NARS2: variants seen among roughly 807,000 people sequenced by gnomAD.
NARS2 encodes the protein asparaginyl-tRNA synthetase 2, mitochondrial.
NARS2 carries 60 observed loss-of-function variants against 62.9 expected under a neutral mutation model. The ratio of observed to expected loss-of-function variants is 0.95; its 90% confidence interval spans 0.77 to 1.18. The LOEUF (loss-of-function observed/expected upper bound fraction) is 1.18, where lower values mean the gene tolerates loss of function less well. Among genes scored for constraint, NARS2 ranks in the 50% most tolerant of loss-of-function variants. The pLI is 0.00. For synonymous variants in NARS2, 196 were observed against 200.0 expected (o/e 0.98, Z 0.17); for missense variants, 619 against 576.4 (o/e 1.07, Z -0.76).
intron 3 of NARS2, among the ~76,000 whole-genome samples, chr11:78,566,746 T>C (rs1468543820): frequency 6.6e-6 from 1 of 152,210 alleles, no homozygotes; most frequent in African/African-American, 2.4e-5. Context: ...TTCATTACTA[T>C]TATCAACGTG....
intron 1 of NARS2, 38 bp from the exon 2 acceptor site, chr11:78,571,482 A>C: frequency 6.9e-7 from 1 of 1,453,636 alleles, no homozygotes; most frequent in South Asian, 1.2e-5. Flanking sequence ...AGCGTAAAAC[A>C]TTTTACGTTT....
intron 7 of NARS2, among the ~76,000 whole-genome samples, chr11:78,479,233 G>A (rs1265270245): frequency 1.3e-5 from 2 of 152,016 alleles, no homozygotes; most frequent in African/African-American, 2.4e-5. Flanking sequence ...TTTTTGCTTT[G>A]CTAATGGCCA....
intron 6 of NARS2, among the ~76,000 whole-genome samples, chr11:78,510,895 C>T (rs1860697671): frequency 6.6e-6 from 1 of 152,092 alleles, no homozygotes; most frequent in African/African-American, 2.4e-5. Context: ...TGAAAGAAGA[C>T]AGCTACAAAG....
chr11:78,456,908 CA>C (rs1858182859), intron 11 of NARS2, among the ~76,000 whole-genome samples: 1 of 152,166 alleles, frequency 6.6e-6, no homozygotes, highest in Non-Finnish European at 1.5e-5. Flanking sequence ...TTCAAATGAT[CA>C]AATATGCTCA....
chr11:78,515,122 G>A (rs952983026), intron 6 of NARS2, among the ~76,000 whole-genome samples: 2 of 152,318 alleles, frequency 1.3e-5, no homozygotes, highest in Middle Eastern at 6.8e-3. Flanking sequence ...TGCTGCAGCA[G>A]AAAATTAGTG....
chr11:78,526,880 C>A (rs1861314668), intron 6 of NARS2, among the ~76,000 whole-genome samples: 1 of 152,052 alleles, frequency 6.6e-6, no homozygotes, highest in Non-Finnish European at 1.5e-5. Flanking sequence ...TTATCCAAAC[C>A]TTGAATATAA....
At chr11:78,444,570 T>G (rs1857685629) in intron 11 of NARS2, among the ~76,000 whole-genome samples, 1 of 151,686 alleles carries the variant, frequency 6.6e-6, no homozygotes, top group Non-Finnish European at 1.5e-5. Context: ...ATACAAAAAA[T>G]TAACTGGGCT....
chr11:78,480,587 A>C lies in NARS2; in HGVS notation c.823-1904T>G, dbSNP rs1269659669. Among the ~76,000 whole-genome samples, 4 of 146,036 alleles carry C rather than the reference A, an allele frequency of 2.7e-5. No individual in the cohort carries two copies. The Admixed American group carries it at 2.8e-4, about 10-fold the overall frequency. On this transcript the variant is annotated intron_variant, in intron 7 of 13. Transcript: ENST00000281038. ...TTACATTCTATTACTATGGTCATTTATTTTTCCAACCAACATGTATATCTA... is the reference window on the plus strand; with the variant it reads ...TTACATTCTATTACTATGGTCATTTCTTTTTCCAACCAACATGTATATCTA...
chr11:78,445,507 G>A (rs1857727109), intron 11 of NARS2, among the ~76,000 whole-genome samples: 1 of 152,152 alleles, frequency 6.6e-6, no homozygotes, highest in South Asian at 2.1e-4. Flanking sequence ...TGTAGTCCCA[G>A]CTGTTCTGGA....
At chr11:78,466,227 G>A (rs1858614533) in intron 10 of NARS2, among the ~76,000 whole-genome samples, 1 of 151,988 alleles carries the variant, frequency 6.6e-6, no homozygotes. Flanking sequence ...GCTGAGGCCA[G>A]TAGATAGACA....
At chr11:78,481,351 GATAA>G (rs1232350573) in intron 7 of NARS2, among the ~76,000 whole-genome samples, 4 of 152,258 alleles carry the variant, frequency 2.6e-5, no homozygotes, top group Admixed American at 2.6e-4. Flanking sequence ...TCAGCAGTGA[GATAA>G]ATAAATTACT....
rs1858598341 is a variant in NARS2, at chr11:78,465,890, C to T, written c.1150G>A (p.Gly384Ser). Reference protein sequence around the residue: ...KPFYMRDNEDGPQHTVAAVDL... With the variant: ...KPFYMRDNEDSPQHTVAAVDL... ...TCTCTTCTTACCGTGTGCTGAGGGCCATCTTCATTATCCCTCATGTAGAAA... is the reference window on the plus strand; with the variant it reads ...TCTCTTCTTACCGTGTGCTGAGGGCTATCTTCATTATCCCTCATGTAGAAA... The change falls in exon 11 of 14, where the codon GGC becomes AGC. Residue 384 changes from glycine to serine, a missense_variant. Gly to Ser is a moderately conservative substitution (Grantham distance 56, BLOSUM62 0). Coordinates refer to ENST00000281038, the MANE Select transcript of NARS2 (RefSeq NM_024678.6). The T allele has an allele frequency of 8.1e-6, 13 of 1,613,990 alleles. No homozygotes were observed. The East Asian group carries it at 2.9e-4, about 36-fold the overall frequency.
rs779653592 is a variant in NARS2, at chr11:78,559,586, T to C, written c.547A>G (p.Ile183Val). 8 of 1,613,318 alleles carry C rather than the reference T, an allele frequency of 5.0e-6. No homozygotes were observed. In the Admixed American group the frequency reaches 1.3e-4, roughly 27 times the overall value. Reference sequence around the variant, plus strand: ...GCTCCCTCAGAGTCATTGGATGTGATTATTGGAGTATGAATATGTACAAAG... The same window carrying C: ...GCTCCCTCAGAGTCATTGGATGTGACTATTGGAGTATGAATATGTACAAAG... ...SGFVHIHTPI[I>V]TSNDSEGAGE... Residue 183 changes from isoleucine (I) to valine (V), a missense_variant, in exon 5 of 14, where the codon ATC (isoleucine) becomes GTC (valine). Transcript: ENST00000281038.
At chr11:78,500,592 GC>G (rs1391111212) in intron 6 of NARS2, among the ~76,000 whole-genome samples, 1 of 152,066 alleles carries the variant, frequency 6.6e-6, no homozygotes, top group Non-Finnish European at 1.5e-5. Context: ...TCCTGCCCCA[GC>G]CTCTTGAGTA....
intron 7 of NARS2, among the ~76,000 whole-genome samples, chr11:78,488,369 G>C (rs1192120132): frequency 6.6e-6 from 1 of 152,132 alleles, no homozygotes; most frequent in African/African-American, 2.4e-5. Flanking sequence ...AGGGTGTTGA[G>C]AGTTAGAAAG....
chr11:78,565,210 T>C (rs1370451665), intron 4 of NARS2, among the ~76,000 whole-genome samples: 1 of 152,194 alleles, frequency 6.6e-6, no homozygotes, highest in Non-Finnish European at 1.5e-5. Context: ...TGAGACAAAA[T>C]GTCCTTAGTC....
intron 5 of NARS2, among the ~76,000 whole-genome samples, chr11:78,550,669 G>A (rs967626406): frequency 2.0e-5 from 3 of 152,082 alleles, no homozygotes; most frequent in Non-Finnish European, 4.4e-5. Flanking sequence ...CGGCCACTCC[G>A]AAAAATAGCT....
In NARS2 at chr11:78,441,128, G is replaced by C; in HGVS notation, c.1263-11C>G. ...TCTGTAAGTCCCGATCTGTTTAAAG[G>C]AAAATAAAATTCTTTCAGGGAACGG... On this transcript the variant is annotated splice_polypyrimidine_tract_variant and intron_variant, in intron 12 of 13. Coordinates refer to ENST00000281038, the MANE Select transcript of NARS2 (RefSeq NM_024678.6). 1.9e-6 allele frequency: 3 copies of C among 1,607,760 alleles called. No individual in the cohort carries two copies. The highest frequency in any genetic ancestry group is 2.2e-5 in the South Asian group (2 of 90,258).
At chr11:78,483,883 A>G (rs1366722297) in intron 7 of NARS2, among the ~76,000 whole-genome samples, 1 of 152,224 alleles carries the variant, frequency 6.6e-6, no homozygotes, top group African/African-American at 2.4e-5. Flanking sequence ...GAATTAGAAA[A>G]AACTACATTA....
Sources: allele counts gnomAD v4.1 joint callset (sites outside exome capture counted in the v4.1 genomes callset), GRCh38; gene constraint gnomAD v4.1.1; transcripts MANE v1.5; gene names NCBI Gene and HGNC (gene_info 2026-07-23, HGNC 2026-07-21).